Variants in ZNF761 observed in about 807,000 individuals in gnomAD.
ZNF761 encodes the protein zinc finger protein 761.
ZNF761 carries 43 observed loss-of-function variants against 59.9 expected under a neutral mutation model. That is an observed-to-expected ratio of 0.72 (90% CI 0.56 to 0.92). The LOEUF is 0.92. Among genes scored for constraint, ZNF761 ranks in the 40% least tolerant of loss-of-function variants. The pLI is 0.00. For missense variants in ZNF761, 850 were observed against 906.1 expected (o/e 0.94, Z 0.79); for synonymous variants, 294 against 304.8 (o/e 0.96, Z 0.37).
At chr19:53,447,614 G>C (rs2086174750) in intron 3 of ZNF761, among the ~76,000 whole-genome samples, 1 of 152,172 alleles carries the variant, frequency 6.6e-6, no homozygotes, top group East Asian at 1.9e-4. Context: ...TCAGCTCTCT[G>C]TGGACCAGTA....
At chr19:53,441,371 C>T (rs1479296932) in intron 1 of ZNF761, among the ~76,000 whole-genome samples, 1 of 141,406 alleles carries the variant, frequency 7.1e-6, no homozygotes, top group Non-Finnish European at 1.5e-5. Context: ...TATTTTATTT[C>T]TGTTTCTTCA....
intron 3 of ZNF761, among the ~76,000 whole-genome samples, chr19:53,448,733 C>T (rs2147136201): frequency 6.6e-6 from 1 of 151,886 alleles, no homozygotes; most frequent in South Asian, 2.1e-4. Context: ...CTCAGGCTCC[C>T]AAGTAGCTGG....
chr19:53,432,542 G>A (rs2085982814), intron 1 of ZNF761, among the ~76,000 whole-genome samples: 1 of 152,172 alleles, frequency 6.6e-6, no homozygotes, highest in Non-Finnish European at 1.5e-5. Context: ...CCGCGTTGGG[G>A]AGGTGCCCGG....
intron 2 of ZNF761, among the ~76,000 whole-genome samples, chr19:53,446,552 T>C (rs761177396): frequency 6.6e-6 from 1 of 152,082 alleles, no homozygotes; most frequent in African/African-American, 2.4e-5. Context: ...TTTGTATTTT[T>C]AGTAGAGATG....
chr19:53,454,619 T>C, intron 4 of ZNF761, 31 bp from the exon 5 acceptor site: 1 of 1,544,002 alleles, frequency 6.5e-7, no homozygotes, highest in Non-Finnish European at 8.7e-7. Context: ...CTGTACTTAA[T>C]TTGAAAGCTT....
At position 53,450,086 on chromosome 19, in the gene ZNF761, C is replaced by CGT. The variant is rs1555838171; in HGVS notation, c.142+449_142+450insTG. On this transcript the variant is annotated intron_variant, in intron 4 of 4. Transcript: ENST00000684525. ...TTGGGAGGCCAAGGTGGGTGGATCA[C>CGT]GAGGTCAGGCGATCGAGACCAGCCC... 1.8e-5 allele frequency: 6 copies of CGT among 327,096 alleles called. No homozygotes were observed. In the Admixed American group the frequency reaches 2.7e-4, roughly 15 times the overall value. 20.3% of individuals were successfully genotyped at this position (327,096 alleles called of 1,614,324 possible). A position where few individuals can be genotyped will look rare whatever the true frequency, so the allele number is the denominator to read the frequency against.
At chr19:53,435,227 T>A (rs1184215631) in intron 1 of ZNF761, among the ~76,000 whole-genome samples, 1 of 151,210 alleles carries the variant, frequency 6.6e-6, no homozygotes, top group African/African-American at 2.4e-5. Context: ...ATACATAAGG[T>A]TGGTTATTTC....
chr19:53,452,448 A>C (rs2086229814), intron 4 of ZNF761, among the ~76,000 whole-genome samples: 1 of 151,898 alleles, frequency 6.6e-6, no homozygotes, highest in South Asian at 2.1e-4. Flanking sequence ...GCCCCACTAC[A>C]CTCCAGTCCA....
chr19:53,444,558 C>G (rs2086134478), intron 1 of ZNF761: 1 of 152,244 alleles, frequency 6.6e-6, no homozygotes, highest in African/African-American at 2.4e-5. Context: ...ATTCCCCTCA[C>G]TGAGATGGTA....
At chr19:53,448,401 T>G (rs1340488667) in intron 3 of ZNF761, among the ~76,000 whole-genome samples, 1 of 152,178 alleles carries the variant, frequency 6.6e-6, no homozygotes, top group Non-Finnish European at 1.5e-5. Flanking sequence ...CAGCTTAGAT[T>G]TTTTGCCATA....
Position 53,457,665 on chromosome 19 carries a change from C to T in ZNF761, c.*917C>T. On this transcript the variant is annotated 3_prime_UTR_variant, in exon 5 of 5. Coordinates refer to ENST00000684525, the MANE Select transcript of ZNF761 (RefSeq NM_001289951.2). ...GTTTGTATTGACTTAACATTGAGTTCAAGCATTAATTGACATTAGTGTTTA... is the reference window on the plus strand; with the variant it reads ...GTTTGTATTGACTTAACATTGAGTTTAAGCATTAATTGACATTAGTGTTTA... The T allele has an allele frequency of 4.2e-6, 1 of 240,468 alleles. No individual in the cohort carries two copies. Among genetic ancestry groups the T allele is most frequent in the South Asian group, 5.7e-5 (1 of 17,450 alleles). The allele number at this position is 240,468 out of a possible 1,614,324, so 14.9% of individuals were successfully genotyped here.
intron 3 of ZNF761, among the ~76,000 whole-genome samples, chr19:53,449,199 A>G (rs1039834778): frequency 5.3e-5 from 8 of 152,082 alleles, no homozygotes; most frequent in African/African-American, 1.9e-4. Flanking sequence ...TTGTGGTGGC[A>G]TGCACCTGTA....
chr19:53,452,632 A>T (rs1310877480), intron 4 of ZNF761, among the ~76,000 whole-genome samples: 1 of 152,226 alleles, frequency 6.6e-6, no homozygotes, highest in East Asian at 1.9e-4. Context: ...ATGAATTTGG[A>T]AAGTGGGAAA....
At chr19:53,435,937 G>C (rs1354422678) in intron 1 of ZNF761, among the ~76,000 whole-genome samples, 1 of 152,188 alleles carries the variant, frequency 6.6e-6, no homozygotes, top group Non-Finnish European at 1.5e-5. Context: ...AGCTTCGGCC[G>C]TGCGTAGACT....
At chr19:53,451,616 T>C (rs2086222521) in intron 4 of ZNF761, among the ~76,000 whole-genome samples, 1 of 151,912 alleles carries the variant, frequency 6.6e-6, no homozygotes, top group African/African-American at 2.4e-5. Flanking sequence ...GGAGTCTCGG[T>C]CTGTCACCCA....
intron 1 of ZNF761, chr19:53,443,979 CT>C (rs2086127522): frequency 6.5e-6 from 1 of 152,826 alleles, no homozygotes; most frequent in South Asian, 2.1e-4. Flanking sequence ...GCAGGATGTG[CT>C]TTGTTTAAAA....
intron 1 of ZNF761, among the ~76,000 whole-genome samples, chr19:53,433,095 C>G (rs1407369426): frequency 6.6e-6 from 1 of 151,166 alleles, no homozygotes; most frequent in Non-Finnish European, 1.5e-5. Context: ...AAAGGAGGCG[C>G]AGAGATGGTG....
intron 1 of ZNF761, among the ~76,000 whole-genome samples, chr19:53,444,839 A>C (rs923830474): frequency 2.0e-5 from 3 of 151,958 alleles, no homozygotes; most frequent in Non-Finnish European, 4.4e-5. Context: ...GGTGTTCCAA[A>C]GACCACAAGG....
rs146536801 is a variant in ZNF761 at position 53,456,028 on chromosome 19, A to T, written c.1521A>T (p.Ser507=). ...GTGGCAAGACCTTTAGTCGGAAGTC[A>T]TACCTCACATGCCATCATAGACTTC... ...NECGKTFSRK[S]YLTCHHRLHT... is the part of the protein sequence containing the mutation. Residue 507 remains serine, a synonymous_variant, in exon 5 of 5, where the codon TCA becomes TCT. Coordinates refer to ENST00000684525, the MANE Select transcript of ZNF761 (RefSeq NM_001289951.2). 3.1e-6 allele frequency: 5 copies of T among 1,613,882 alleles called. No homozygotes were observed. In the African/African-American group the frequency reaches 5.3e-5, roughly 17 times the overall value.
Sources: gnomAD v4.1 joint callset for allele counts (sites outside exome capture counted in the v4.1 genomes callset) on GRCh38, gnomAD v4.1.1 for gene constraint, MANE v1.5 for transcripts, NCBI Gene and HGNC (gene_info 2026-07-23, HGNC 2026-07-21) for gene names.